COL24A1: variants seen among roughly 807,000 people sequenced by gnomAD.
The protein encoded by COL24A1 is collagen type XXIV alpha 1 chain.
A neutral mutation model predicts 253.9 loss-of-function variants in COL24A1; 224 were observed. That is an observed-to-expected ratio of 0.88 (90% confidence interval 0.79 to 0.99). The LOEUF (loss-of-function observed/expected upper bound fraction) is 0.99, where lower values mean the gene tolerates loss of function less well. Among genes scored for constraint, COL24A1 ranks in the 50% least tolerant of loss-of-function variants. The pLI is 0.00. For missense variants in COL24A1, 2,131 were observed against 2,068.5 expected, an observed-to-expected ratio of 1.03 and a Z score of -0.59; for synonymous variants, 685 against 673.7, an observed-to-expected ratio of 1.02 and a Z score of -0.26.
At position 85,842,103 on chromosome 1, in the gene COL24A1, C is replaced by G. The variant is rs779487930; in HGVS notation, c.3535G>C (p.Gly1179Arg). The part of the protein sequence containing the change: ...PGYRGHQGQP[G>R]PSGLPGPKGE... ...TTAGGTCCTGGCAATCCAGAGGGTCCTGGTTGGCCCTGATGGCCCTACGAA... is the reference window on the plus strand; with the variant it reads ...TTAGGTCCTGGCAATCCAGAGGGTCGTGGTTGGCCCTGATGGCCCTACGAA... Residue 1179 changes from glycine to arginine, a missense_variant, in exon 41 of 60, where the codon GGA becomes CGA. By Grantham distance (125) the Gly-to-Arg change is moderately radical. Transcript: ENST00000370571. 1 of 1,613,722 alleles carries G rather than the reference C, an allele frequency of 6.2e-7. No individual in the cohort carries two copies. Among genetic ancestry groups the G allele is most frequent in the African/African-American group, 1.3e-5 (1 of 75,032 alleles).
chr1:86,086,985 T>C (rs1452198992), intron 7 of COL24A1, among the ~76,000 whole-genome samples: 2 of 152,230 alleles, frequency 1.3e-5, no homozygotes, highest in Admixed American at 6.5e-5. Flanking sequence ...TATTCTGAAC[T>C]ACTGTCAAAT....
intron 6 of COL24A1, among the ~76,000 whole-genome samples, chr1:86,090,542 A>G (rs867936729): frequency 3.4e-4 from 52 of 152,170 alleles, no homozygotes; most frequent in African/African-American, 1.3e-3. Flanking sequence ...AAAATGGCTA[A>G]ATGGTTAAAA....
intron 55 of COL24A1, among the ~76,000 whole-genome samples, chr1:85,754,380 A>T (rs1468813621): frequency 1.2e-5 from 1 of 80,108 alleles, no homozygotes; most frequent in African/African-American, 4.7e-5. Flanking sequence ...CACTCTGGGG[A>T]CTGTGGTGGG....
chr1:86,072,759 C>T (rs1476181850), intron 7 of COL24A1, among the ~76,000 whole-genome samples: 1 of 152,112 alleles, frequency 6.6e-6, no homozygotes, highest in Admixed American at 6.6e-5. Flanking sequence ...TAGTGGGTGC[C>T]CCTCTGGGAC....
chr1:86,140,341 G>A (rs993773335), intron 2 of COL24A1, among the ~76,000 whole-genome samples: 1 of 152,160 alleles, frequency 6.6e-6, no homozygotes. Flanking sequence ...TATGTTAAAG[G>A]TGGCAATCGT....
At chr1:85,811,665 G>A (rs986686005) in intron 47 of COL24A1, among the ~76,000 whole-genome samples, 13 of 152,140 alleles carry the variant, frequency 8.5e-5, no homozygotes, top group African/African-American at 1.4e-4. Flanking sequence ...CATGTGTGAC[G>A]TGATATCTCA....
rs532225971 is a variant in COL24A1, at chr1:86,059,603, T to C, written c.1753-429A>G. On this transcript the variant is annotated intron_variant, in intron 8 of 59. Transcript: ENST00000370571. ...AGTAAACCACAAAACCAACCTCTAC[T>C]TCTTTCCTAAAGTAAACTTAACCTT... Among the ~76,000 whole-genome samples the C allele has an allele frequency of 1.9e-4, 29 of 152,300 alleles. No homozygotes were observed. In the East Asian group the frequency reaches 5.0e-3, roughly 26 times the overall value.
At chr1:85,933,742 A>G (rs1271217029) in intron 24 of COL24A1, among the ~76,000 whole-genome samples, 1 of 152,224 alleles carries the variant, frequency 6.6e-6, no homozygotes, top group Non-Finnish European at 1.5e-5. Context: ...AAGGCAAATT[A>G]TGTGCATGTG....
intron 7 of COL24A1, among the ~76,000 whole-genome samples, chr1:86,072,028 T>G (rs963201925): frequency 1.3e-5 from 2 of 152,130 alleles, no homozygotes; most frequent in African/African-American, 4.8e-5. Flanking sequence ...ACCAGGAGAT[T>G]CCCTCGGACG....
At chr1:86,145,599 A>G (rs1651765672) in intron 2 of COL24A1, among the ~76,000 whole-genome samples, 1 of 152,114 alleles carries the variant, frequency 6.6e-6, no homozygotes, top group Admixed American at 6.5e-5. Flanking sequence ...CTGAAACTCT[A>G]TCATCATACT....
intron 7 of COL24A1, among the ~76,000 whole-genome samples, chr1:86,078,500 A>G (rs1293833385): frequency 1.3e-5 from 2 of 152,206 alleles, no homozygotes; most frequent in Non-Finnish European, 2.9e-5. Context: ...CAAATTGGAA[A>G]GGAAGAAGCT....
At chr1:85,815,662 G>C (rs1570732086) in intron 47 of COL24A1, among the ~76,000 whole-genome samples, 1 of 151,806 alleles carries the variant, frequency 6.6e-6, no homozygotes, top group East Asian at 1.9e-4. Flanking sequence ...TTGTATTTAA[G>C]TTTAGGTATA....
At chr1:86,098,354 G>GAGGAA (rs1333480091) in intron 5 of COL24A1, among the ~76,000 whole-genome samples, 1 of 151,742 alleles carries the variant, frequency 6.6e-6, no homozygotes, top group East Asian at 1.9e-4. Flanking sequence ...GAGCAGAGGA[G>GAGGAA]AGGAAAGGAA....
chr1:85,809,670 A>T (rs1672329378), intron 47 of COL24A1, among the ~76,000 whole-genome samples: 1 of 151,788 alleles, frequency 6.6e-6, no homozygotes, highest in Admixed American at 6.6e-5. Context: ...GTCAACTTAT[A>T]TCAGATTTGG....
intron 1 of COL24A1, chr1:86,155,189 G>C (rs1275182539): frequency 6.6e-6 from 1 of 152,142 alleles, no homozygotes; most frequent in African/African-American, 2.4e-5. Context: ...GGTGCATGTG[G>C]TCAGCTGGGA....
intron 24 of COL24A1, among the ~76,000 whole-genome samples, chr1:85,939,684 GT>G (rs1016108850): frequency 4.6e-5 from 7 of 151,680 alleles, no homozygotes; most frequent in Non-Finnish European, 8.8e-5. Flanking sequence ...CTTTTTATAA[GT>G]TTTTTTTGGA....
rs1651841202 is a variant in COL24A1, at chr1:86,146,131, C to T, written c.109G>A (p.Ala37Thr). 1.9e-6 allele frequency: 3 copies of T among 1,610,704 alleles called. No individual in the cohort carries two copies. The South Asian group carries it at 3.3e-5, about 18-fold the overall frequency. ...GTAATTTTCTTACCTTGTTCTTGTG[C>T]ATGAACAACCACCCCAGCCACACAT... Reference protein sequence around the residue: ...VLCVAGVVVHAQEQGIDILHQ... With the variant: ...VLCVAGVVVHTQEQGIDILHQ... The change falls in exon 2 of 60, where the codon GCA becomes ACA. Residue 37 changes from alanine (A) to threonine (T), a missense_variant. Physicochemically the swap from Ala to Thr is moderately conservative, Grantham distance 58. Transcript: ENST00000370571.
At chr1:85,843,390 T>C (rs890953523) in intron 39 of COL24A1, among the ~76,000 whole-genome samples, 1 of 152,184 alleles carries the variant, frequency 6.6e-6, no homozygotes, top group Admixed American at 6.6e-5. Flanking sequence ...AGCCATTACC[T>C]AGGTGAATAA....
intron 33 of COL24A1, 71 bp from the exon 34 acceptor site, chr1:85,875,401 C>T (rs1681037339): frequency 8.0e-7 from 1 of 1,242,738 alleles, no homozygotes; most frequent in Admixed American, 1.7e-5. Context: ...TAACACTGAA[C>T]TCAAGGGTGA....
Sources: allele counts gnomAD v4.1 joint callset (sites outside exome capture counted in the v4.1 genomes callset), GRCh38; gene constraint gnomAD v4.1.1; transcripts MANE v1.5; gene names NCBI Gene and HGNC (gene_info 2026-07-23, HGNC 2026-07-21).